NR2F2: variants seen among roughly 807,000 people sequenced by gnomAD.
NR2F2 encodes the protein nuclear receptor subfamily 2 group F member 2.
Under a neutral mutation model 34.8 loss-of-function variants are expected in NR2F2, and 2 were observed. That is an observed-to-expected ratio of 0.06 (90% CI 0.02 to 0.18). The LOEUF is 0.18. Among genes scored for constraint, NR2F2 ranks in the 10% least tolerant of loss-of-function variants. NR2F2 has a pLI of 1.00. For synonymous variants in NR2F2, 274 were observed against 251.8 expected (o/e 1.09, Z -0.84); for missense variants, 300 against 580.1 (o/e 0.52, Z 4.96).
Position 96,331,106 on chromosome 15 carries a change from A to AGCGGCG in NR2F2, c.-990_-985dup. Reference sequence around the variant, plus strand: ...CGGCAGCAGCGGCAGCAGCGACTTCAGCGGCGGCGGCGGCGCTAGACGCAG... The same window carrying AGCGGCG: ...CGGCAGCAGCGGCAGCAGCGACTTCAGCGGCGGCGGCGGCGGCGGCGCTAGACGCAG... On this transcript the variant is annotated 5_prime_UTR_variant, in exon 1 of 3. Transcript: ENST00000394166. The AGCGGCG allele has an allele frequency of 2.5e-6, 3 of 1,203,180 alleles. No individual in the cohort carries two copies. The highest frequency in any genetic ancestry group is 3.1e-6 in the Non-Finnish European group (3 of 969,942). 74.5% of individuals were successfully genotyped at this position (1,203,180 alleles called of 1,614,324 possible). A position where few individuals can be genotyped will look rare whatever the true frequency, so the allele number is the denominator to read the frequency against.
At chr15:96,329,212 C>A (rs375388000), upstream of NR2F2, among the ~76,000 whole-genome samples, 8 of 152,200 alleles carry the variant, frequency 5.3e-5, no homozygotes, top group African/African-American at 1.9e-4. Context: ...ACAAAGGAGA[C>A]ACAATTTTCT....
chr15:96,337,846 C>T lies in NR2F2; in HGVS notation c.*224C>T, dbSNP rs193295717. ...TAAAAAAAAAAAAAAACTCCTGTGT[C>T]GGTCAGAACAACTTGCTACTTATCA... On this transcript the variant is annotated 3_prime_UTR_variant, in exon 3 of 3. Transcript: ENST00000394166. 47 of 399,906 alleles carry T rather than the reference C, an allele frequency of 1.2e-4. No homozygotes were observed. Among genetic ancestry groups the T allele is most frequent in the East Asian group, 9.2e-4 (25 of 27,298 alleles). 24.8% of individuals were successfully genotyped at this position (399,906 alleles called of 1,614,324 possible). A position where few individuals can be genotyped will look rare whatever the true frequency, so the allele number is the denominator to read the frequency against.
chr15:96,333,798 C>T (rs981372380), intron 1 of NR2F2: 1 of 1,387,618 alleles, frequency 7.2e-7, no homozygotes, highest in Non-Finnish European at 9.3e-7. Context: ...CGCCGGGGAC[C>T]CCGAGGCAAG....
rs751291661 is a variant in NR2F2 at position 96,337,578 on chromosome 15, C to T, written c.1201C>T (p.Leu401=). ...PIETLIRDML[L]SGSSFNWPYM... is the part of the protein sequence containing the mutation. ...CGAAACCCTCATCCGGGATATGTTA[C>T]TGTCCGGCAGCAGTTTTAACTGGCC... is the stretch of plus-strand genomic sequence containing the variant. The change falls in exon 3 of 3, where the codon CTG becomes TTG. Residue 401 remains leucine (L), a synonymous_variant. Coordinates refer to ENST00000394166, the MANE Select transcript of NR2F2 (RefSeq NM_021005.4). The T allele has an allele frequency of 6.2e-7, 1 of 1,613,984 alleles. No individual in the cohort carries two copies. The highest frequency in any genetic ancestry group is 1.7e-5 in the Admixed American group (1 of 59,996).
chr15:96,330,036 G>A (rs1164195281), upstream of NR2F2, among the ~76,000 whole-genome samples: 1 of 152,132 alleles, frequency 6.6e-6, no homozygotes, highest in Non-Finnish European at 1.5e-5. Flanking sequence ...ATTAAGAGAA[G>A]GGTTTGCCAT....
chr15:96,339,858 G>A lies in NR2F2; in HGVS notation c.*2236G>A, dbSNP rs978172965. On this transcript the variant is annotated 3_prime_UTR_variant, in exon 3 of 3. Transcript: ENST00000394166. ...ATGTTGTGGTTTAATTCTAATTGGT[G>A]GGGGGGGGGGAGGACTAGTGAGGGA... The A allele has an allele frequency of 1.0e-5, 1 of 98,000 alleles. No homozygotes were observed. The highest frequency in any genetic ancestry group is 1.8e-5 in the Non-Finnish European group (1 of 54,228). The allele number at this position is 98,000 out of a possible 1,614,324, so 6.1% of individuals were successfully genotyped here.
upstream of NR2F2, among the ~76,000 whole-genome samples, chr15:96,327,858 G>A (rs1899033767): frequency 6.6e-6 from 1 of 152,000 alleles, no homozygotes; most frequent in Admixed American, 6.5e-5. Context: ...TTTAGATTAG[G>A]GCAAATGTTG....
At chr15:96,327,353 C>T (rs1418189747), upstream of NR2F2, 1 of 152,126 alleles carries the variant, frequency 6.6e-6, no homozygotes, top group African/African-American at 2.4e-5. Flanking sequence ...AAAGTCGTTT[C>T]CCTTTAAGAG....
chr15:96,329,160 T>C (rs183742211), upstream of NR2F2, among the ~76,000 whole-genome samples: 26 of 152,254 alleles, frequency 1.7e-4, no homozygotes, highest in East Asian at 4.4e-3. Flanking sequence ...ACAAACCTGG[T>C]TGGTTTACCG....
rs1478385403 is a variant in NR2F2 at position 96,331,408 on chromosome 15, C to G, written c.-698C>G. On this transcript the variant is annotated 5_prime_UTR_variant, in exon 1 of 3. Coordinates refer to ENST00000394166, the MANE Select transcript of NR2F2 (RefSeq NM_021005.4). ...CTCCGCGGGCCGCCGGCCTCCGCCC[C>G]GGCCTGCCTGGCTCCCTGGGCGCGC... The G allele has an allele frequency of 8.1e-7, 1 of 1,229,896 alleles. No homozygotes were observed. Among genetic ancestry groups the G allele is most frequent in the East Asian group, 3.2e-5 (1 of 31,592 alleles). The allele number at this position is 1,229,896 out of a possible 1,614,324, so 76.2% of individuals were successfully genotyped here.
Position 96,339,861 on chromosome 15 carries a change from G to C in NR2F2, c.*2239G>C, listed in dbSNP as rs549592481. 3 of 152,054 alleles carry C rather than the reference G, an allele frequency of 2.0e-5. No homozygotes were observed. The highest frequency in any genetic ancestry group is 2.1e-4 in the South Asian group (1 of 4,796). 9.4% of individuals were successfully genotyped at this position (152,054 alleles called of 1,614,324 possible). On this transcript the variant is annotated 3_prime_UTR_variant, in exon 3 of 3. Transcript: ENST00000394166. ...TTGTGGTTTAATTCTAATTGGTGGGGGGGGGGGAGGACTAGTGAGGGAGGT... is the reference window on the plus strand; with the variant it reads ...TTGTGGTTTAATTCTAATTGGTGGGCGGGGGGGAGGACTAGTGAGGGAGGT...
chr15:96,336,002 GCAGATATA>G (rs1899313891), intron 2 of NR2F2, among the ~76,000 whole-genome samples: 2 of 152,300 alleles, frequency 1.3e-5, no homozygotes, highest in African/African-American at 4.8e-5. Context: ...TTTGCCTGCT[GCAGATATA>G]CAGACAAGAT....
At chr15:96,327,824 G>T (rs1462740124), upstream of NR2F2, among the ~76,000 whole-genome samples, 1 of 152,158 alleles carries the variant, frequency 6.6e-6, no homozygotes, top group Non-Finnish European at 1.5e-5. Flanking sequence ...ATATTCCTGG[G>T]TGTTGAGTTT....
chr15:96,331,070 G>A lies in NR2F2; in HGVS notation c.-1036G>A, dbSNP rs1373840794. 1.5e-5 allele frequency: 19 copies of A among 1,236,570 alleles called. No individual in the cohort carries two copies. The highest frequency in any genetic ancestry group is 1.9e-5 in the Non-Finnish European group (19 of 993,306). The allele number at this position is 1,236,570 out of a possible 1,614,324, so 76.6% of individuals were successfully genotyped here. On this transcript the variant is annotated 5_prime_UTR_variant, in exon 1 of 3. Transcript: ENST00000394166. ...CGGCGGCGGCAGCAGCAGCAGCAGC[G>A]GCTCCGGCGGCGGCAGCAGCGGCAG...
Position 96,331,552 on chromosome 15 carries a change from C to A in NR2F2, c.-554C>A. The A allele has an allele frequency of 2.4e-6, 3 of 1,227,862 alleles. No individual in the cohort carries two copies. In the East Asian group the frequency reaches 9.6e-5, roughly 39 times the overall value. The allele number at this position is 1,227,862 out of a possible 1,614,324, so 76.1% of individuals were successfully genotyped here. ...AGTCGCCTCTCCTCCTCCTCTACCT[C>A]CTCCTTCACCACCACCTCCTCTTCC... On this transcript the variant is annotated 5_prime_UTR_variant, in exon 1 of 3. Transcript: ENST00000394166.
chr15:96,338,750 TTGTG>T lies in NR2F2; in HGVS notation c.*1132_*1135del, dbSNP rs929083380. On this transcript the variant is annotated 3_prime_UTR_variant, in exon 3 of 3. Coordinates refer to ENST00000394166, the MANE Select transcript of NR2F2 (RefSeq NM_021005.4). ...ATAACTGAACTGTTTGGTCGAGTCT[TTGTG>T]TGTTATATTCCAAGGAAAATTGAAA... is the stretch of plus-strand genomic sequence containing the variant. The T allele has an allele frequency of 6.6e-6, 1 of 152,450 alleles. No homozygotes were observed. The highest frequency in any genetic ancestry group is 1.5e-5 in the Non-Finnish European group (1 of 68,004). 9.4% of individuals were successfully genotyped at this position (152,450 alleles called of 1,614,324 possible). A position where few individuals can be genotyped will look rare whatever the true frequency, so the allele number is the denominator to read the frequency against.
rs1899412506 is a variant in NR2F2, at chr15:96,338,878, G to A, written c.*1256G>A. ...AGCCCCTGTGAGCTCTCGCTTAGCT[G>A]GCCGGGCGGGGGGTGGTGGGGGGGG... On this transcript the variant is annotated 3_prime_UTR_variant, in exon 3 of 3. Transcript: ENST00000394166. 6.8e-6 allele frequency: 1 copy of A among 147,164 alleles called. No individual in the cohort carries two copies. The highest frequency in any genetic ancestry group is 2.6e-5 in the African/African-American group (1 of 38,994). 9.1% of individuals were successfully genotyped at this position (147,164 alleles called of 1,614,324 possible).
At position 96,331,028 on chromosome 15, in the gene NR2F2, T is replaced by G. The variant is rs1899121516; in HGVS notation, c.-1078T>G. 2 of 1,230,768 alleles carry G rather than the reference T, an allele frequency of 1.6e-6. No individual in the cohort carries two copies. The highest frequency in any genetic ancestry group is 1.0e-6 in the Non-Finnish European group (1 of 988,528). The allele number at this position is 1,230,768 out of a possible 1,614,324, so 76.2% of individuals were successfully genotyped here. A position where few individuals can be genotyped will look rare whatever the true frequency, so the allele number is the denominator to read the frequency against. ...CCCCGCCGCCGGCGAGTTGACTCTT[T>G]CCCTATGTGTGTGAGGCGGCGGCGG... On this transcript the variant is annotated 5_prime_UTR_variant, in exon 1 of 3. Coordinates refer to ENST00000394166, the MANE Select transcript of NR2F2 (RefSeq NM_021005.4).
Position 96,332,065 on chromosome 15 carries a change from C to T in NR2F2, c.-41C>T, listed in dbSNP as rs1899163022. On this transcript the variant is annotated 5_prime_UTR_variant, in exon 1 of 3. Coordinates refer to ENST00000394166, the MANE Select transcript of NR2F2 (RefSeq NM_021005.4). ...GCCGCCGCCGCCCCGCCGCCGCCCG[C>T]AGCCAGGGGAGCAGGAAGTCCGGAC... 2 of 1,269,686 alleles carry T rather than the reference C, an allele frequency of 1.6e-6. No individual in the cohort carries two copies. Among genetic ancestry groups the T allele is most frequent in the African/African-American group, 3.1e-5 (2 of 64,016 alleles). 78.7% of individuals were successfully genotyped at this position (1,269,686 alleles called of 1,614,324 possible).
Sources: allele counts gnomAD v4.1 joint callset (sites outside exome capture counted in the v4.1 genomes callset), GRCh38; gene constraint gnomAD v4.1.1; transcripts MANE v1.5; gene names NCBI Gene and HGNC (gene_info 2026-07-23, HGNC 2026-07-21).